The following NADK2 variants were observed in gnomAD, a reference collection of about 807,000 sequenced individuals.
NADK2 encodes NAD kinase domain-containing protein 1, mitochondrial.
In NADK2, 35 loss-of-function variants were observed where a neutral mutation model predicts 62.1. The ratio of observed to expected loss-of-function variants is 0.56; its 90% CI spans 0.43 to 0.75. NADK2 has a LOEUF of 0.75. Ranked by LOEUF, NADK2 falls within the 30% of genes least tolerant of loss-of-function variation. The probability of loss-of-function intolerance (pLI) is 0.00; values close to 1 mark genes in which losing one functional copy is unlikely to be tolerated. For missense variants in NADK2, 439 were observed against 561.3 expected, an observed-to-expected ratio of 0.78 and a Z score of 2.20; for synonymous variants, 205 against 207.9, an observed-to-expected ratio of 0.99 and a Z score of 0.12.
intron 1 of NADK2, among the ~76,000 whole-genome samples, chr5:36,236,896 G>A (rs1747931875): frequency 6.9e-6 from 1 of 145,764 alleles, no homozygotes; most frequent in Admixed American, 6.8e-5. Flanking sequence ...AACAGGAATT[G>A]GATAGAGGAA....
intron 9 of NADK2, 42 bp downstream of exon 9, chr5:36,201,064 C>A (rs769654747): frequency 1.9e-6 from 3 of 1,544,132 alleles, no homozygotes; most frequent in African/African-American, 1.4e-5. Context: ...TTGTCCCCTG[C>A]GGATAAGAGG....
intron 1 of NADK2, among the ~76,000 whole-genome samples, chr5:36,228,978 G>A (rs1317357560): frequency 6.6e-6 from 1 of 151,896 alleles, no homozygotes; most frequent in Non-Finnish European, 1.5e-5. Context: ...GAACTATAAA[G>A]TAAAACTAAT....
At chr5:36,222,328 T>A (rs2112150080) in intron 4 of NADK2, among the ~76,000 whole-genome samples, 1 of 152,258 alleles carries the variant, frequency 6.6e-6, no homozygotes, top group East Asian at 1.9e-4. Flanking sequence ...GGTCATCATA[T>A]CAACAAAGCT....
rs2112223113 is a variant in NADK2, at chr5:36,241,425, C to T, written c.300+74G>A. The T allele has an allele frequency of 2.1e-6, 3 of 1,442,530 alleles. No individual in the cohort carries two copies. The highest frequency in any genetic ancestry group is 2.7e-6 in the Non-Finnish European group (3 of 1,101,028). 89.4% of individuals were successfully genotyped at this position (1,442,530 alleles called of 1,614,324 possible). A position where few individuals can be genotyped will look rare whatever the true frequency, so the allele number is the denominator to read the frequency against. Reference sequence around the variant, plus strand: ...CTGGGAAGAGTCGTCCCGAGAGGTCCCCCCGAGGGGGCGCAGCCGCCACCA... The same window carrying T: ...CTGGGAAGAGTCGTCCCGAGAGGTCTCCCCGAGGGGGCGCAGCCGCCACCA... On this transcript the variant is annotated intron_variant, in intron 1 of 11. Transcript: ENST00000381937. The surrounding 1 kb of genome is among the most constrained non-coding windows in gnomAD (Gnocchi z 4.9).
Position 36,241,228 on chromosome 5 carries a change from T to A in NADK2, c.300+271A>T. On this transcript the variant is annotated intron_variant, in intron 1 of 11. Coordinates refer to ENST00000381937, the MANE Select transcript of NADK2 (RefSeq NM_001085411.3). The surrounding 1 kb of genome is among the most constrained non-coding windows in gnomAD (Gnocchi z 4.9). ...GCCACTCGGCAGCCCCTCTTCGCCC[T>A]CCCCGCGGCGCCCCTGCCTCCTAAG... 2 of 449,058 alleles carry A rather than the reference T, an allele frequency of 4.5e-6. No homozygotes were observed. Among genetic ancestry groups the A allele is most frequent in the South Asian group, 5.4e-5 (1 of 18,356 alleles). 27.8% of individuals were successfully genotyped at this position (449,058 alleles called of 1,614,324 possible). A position where few individuals can be genotyped will look rare whatever the true frequency, so the allele number is the denominator to read the frequency against.
intron 5 of NADK2, among the ~76,000 whole-genome samples, chr5:36,218,765 TAA>T (rs1397512257): frequency 6.6e-6 from 1 of 152,164 alleles, no homozygotes; most frequent in African/African-American, 2.4e-5. Flanking sequence ...CTGAACACAT[TAA>T]GTAAAAGAAA....
chr5:36,241,028 C>T lies in NADK2; in HGVS notation c.300+471G>A, dbSNP rs866938063. ...GTCCGCGGTTGTTTCGGCCCTTTTC[C>T]CCCGGCAGCCCTCAGCGGCGCCCTG... is the stretch of plus-strand genomic sequence containing the variant. On this transcript the variant is annotated intron_variant, in intron 1 of 11. Transcript: ENST00000381937. The surrounding 1 kb of genome is among the most constrained non-coding windows in gnomAD (Gnocchi z 4.9). 6.6e-6 allele frequency among the ~76,000 whole-genome samples: 1 copy of T among 152,202 alleles called. No homozygotes were observed.
At chr5:36,218,016 G>C (rs1480739993) in intron 5 of NADK2, 132 bp from the exon 6 acceptor site, 5 of 746,768 alleles carry the variant, frequency 6.7e-6, no homozygotes, top group African/African-American at 5.3e-5. Context: ...AATTATATCA[G>C]AAACACCTAA....
chr5:36,233,093 T>C (rs1225668582), intron 1 of NADK2, among the ~76,000 whole-genome samples: 1 of 152,202 alleles, frequency 6.6e-6, no homozygotes, highest in Non-Finnish European at 1.5e-5. Context: ...TGAAGTCAAA[T>C]AATTACATCT....
chr5:36,206,213 A>G (rs776055876), intron 8 of NADK2, among the ~76,000 whole-genome samples: 19 of 152,018 alleles, frequency 1.2e-4, no homozygotes, highest in Non-Finnish European at 2.1e-4. Context: ...TGATGGATGC[A>G]GCAAACCAAC....
intron 11 of NADK2, 38 bp downstream of exon 11, chr5:36,197,503 G>C (rs758686145): frequency 6.2e-7 from 1 of 1,610,606 alleles, no homozygotes; most frequent in Non-Finnish European, 8.5e-7. Flanking sequence ...ACAATGAAAG[G>C]GATGAAAACA....
chr5:36,228,165 T>TAC (rs1163689714), intron 1 of NADK2, among the ~76,000 whole-genome samples: 2 of 152,196 alleles, frequency 1.3e-5, no homozygotes, highest in African/African-American at 4.8e-5. Context: ...AACTTATATA[T>TAC]ACATATATCC....
chr5:36,196,098 T>G (rs1746223758), intron 11 of NADK2, among the ~76,000 whole-genome samples: 1 of 152,196 alleles, frequency 6.6e-6, no homozygotes, highest in African/African-American at 2.4e-5. Context: ...GTAGAGCTGC[T>G]ATGAATATTC....
chr5:36,227,349 T>C, intron 2 of NADK2, 128 bp downstream of exon 2: 2 of 414,574 alleles, frequency 4.8e-6, no homozygotes, highest in African/African-American at 2.1e-5. Context: ...AACCTTGATA[T>C]AATTTTCTGA....
chr5:36,232,139 A>G (rs1561075269), intron 1 of NADK2, among the ~76,000 whole-genome samples: 2 of 152,232 alleles, frequency 1.3e-5, no homozygotes, highest in Admixed American at 6.5e-5. Context: ...TTTTGAATGG[A>G]TAGATTTAGC....
chr5:36,237,605 G>A (rs567004589), intron 1 of NADK2, among the ~76,000 whole-genome samples: 2 of 152,216 alleles, frequency 1.3e-5, no homozygotes, highest in East Asian at 3.9e-4. Flanking sequence ...AACTAAATCA[G>A]TACAACATCT....
intron 1 of NADK2, among the ~76,000 whole-genome samples, chr5:36,229,986 C>T (rs1304931709): frequency 6.6e-6 from 1 of 151,542 alleles, no homozygotes; most frequent in Non-Finnish European, 1.5e-5. Flanking sequence ...AAGCACTTTT[C>T]TCTTCTTCCC....
At chr5:36,207,606 C>CA (rs1328036732) in intron 7 of NADK2, among the ~76,000 whole-genome samples, 1 of 151,736 alleles carries the variant, frequency 6.6e-6, no homozygotes. Flanking sequence ...TTTCTGAATC[C>CA]AAAAAAAGAA....
rs148609859 is a variant in NADK2 at position 36,197,798 on chromosome 5, G to A, written c.1067-134C>T. On this transcript the variant is annotated intron_variant, in intron 10 of 11. Transcript: ENST00000381937. ...TTTGGGAACAAGTTTCTTGAAACTCGTAACACATATTCCATTAAAACACAG... is the reference window on the plus strand; with the variant it reads ...TTTGGGAACAAGTTTCTTGAAACTCATAACACATATTCCATTAAAACACAG... 517 of 676,726 alleles carry A rather than the reference G, an allele frequency of 7.6e-4. 2 individuals carry two copies. The African/African-American group carries it at 9.2e-3, about 12-fold the overall frequency. 41.9% of individuals were successfully genotyped at this position (676,726 alleles called of 1,614,324 possible).
Sources: gnomAD v4.1 joint callset for allele counts (sites outside exome capture counted in the v4.1 genomes callset) on GRCh38, gnomAD v4.1.1 for gene constraint, Gnocchi (gnomAD v3.1) non-coding constraint, MANE v1.5 for transcripts, NCBI Gene and HGNC (gene_info 2026-07-23, HGNC 2026-07-21) for gene names.